The following FGF14 variants were observed in gnomAD, a reference collection of about 807,000 sequenced individuals.
The protein encoded by FGF14 is fibroblast growth factor homologous factor 4.
FGF14 carries 5 observed loss-of-function variants against 25.5 expected under a neutral mutation model. That is an observed-to-expected ratio of 0.20 (90% CI 0.10 to 0.41). FGF14 has a LOEUF of 0.41. Among genes scored for constraint, FGF14 ranks in the 10% least tolerant of loss-of-function variants. The probability of loss-of-function intolerance (pLI) is 1.00; values close to 1 mark genes in which losing one functional copy is unlikely to be tolerated. For synonymous variants in FGF14, 138 were observed against 118.3 expected, an observed-to-expected ratio of 1.17 and a Z score of -1.08; for missense variants, 222 against 320.1, an observed-to-expected ratio of 0.69 and a Z score of 2.34.
At chr13:101,759,415 G>A (rs189890040) in intron 3 of FGF14, among the ~76,000 whole-genome samples, 38 of 152,276 alleles carry the variant, frequency 2.5e-4, no homozygotes, top group Admixed American at 6.5e-4. Flanking sequence ...AGTTAGCGGA[G>A]GTGGGGCCAG....
At position 101,735,961 on chromosome 13, in the gene FGF14, T is replaced by G. The variant is rs2036157909; in HGVS notation, c.409-9151A>C. 3.9e-5 allele frequency among the ~76,000 whole-genome samples: 6 copies of G among 152,212 alleles called. No individual in the cohort carries two copies. The South Asian group carries it at 1.2e-3, about 32-fold the overall frequency. ...AGAGAAAGTGCTTCCATCAGTTTTT[T>G]AAACATTTCTGGATTATCTGAGTAA... On this transcript the variant is annotated intron_variant, in intron 3 of 4. Transcript: ENST00000376143.
intron 1 of FGF14, among the ~76,000 whole-genome samples, chr13:102,133,860 T>C (rs1332410956): frequency 6.6e-6 from 1 of 152,182 alleles, no homozygotes; most frequent in Non-Finnish European, 1.5e-5. Flanking sequence ...TCAGTGTGCA[T>C]GGGGAATGGA....
At chr13:101,774,868 CAT>C (rs1365025264) in intron 3 of FGF14, among the ~76,000 whole-genome samples, 1 of 149,912 alleles carries the variant, frequency 6.7e-6, no homozygotes, top group East Asian at 2.0e-4. Context: ...GACTGGCCAA[CAT>C]GGTGAAACCG....
At chr13:102,148,115 C>A (rs192061425) in intron 1 of FGF14, among the ~76,000 whole-genome samples, 1 of 151,992 alleles carries the variant, frequency 6.6e-6, no homozygotes, top group African/African-American at 2.4e-5. Context: ...GTCCCTGCAT[C>A]GAAAATGAAA....
At chr13:102,347,661 C>T (rs1415748187) in intron 1 of FGF14, among the ~76,000 whole-genome samples, 1 of 152,192 alleles carries the variant, frequency 6.6e-6, no homozygotes, top group Non-Finnish European at 1.5e-5. Context: ...ACACACCTAA[C>T]AGGAACATGT....
intron 1 of FGF14, among the ~76,000 whole-genome samples, chr13:102,172,446 G>C (rs534162272): frequency 6.6e-4 from 100 of 152,204 alleles, no homozygotes; most frequent in Non-Finnish European, 1.1e-3. Context: ...GGAGAATTTA[G>C]AGTAACTTAG....
chr13:102,303,182 T>C (rs1312756810), intron 1 of FGF14, among the ~76,000 whole-genome samples: 1 of 152,104 alleles, frequency 6.6e-6, no homozygotes, highest in African/African-American at 2.4e-5. Context: ...CTGTCTGTGT[T>C]CCCCAGACAC....
intron 3 of FGF14, among the ~76,000 whole-genome samples, chr13:101,772,824 T>C (rs1296822756): frequency 2.0e-5 from 3 of 152,116 alleles, no homozygotes; most frequent in Admixed American, 6.6e-5. Flanking sequence ...CTACCACTTA[T>C]AGAATCAAAG....
At chr13:102,225,244 G>C (rs146313707) in intron 1 of FGF14, among the ~76,000 whole-genome samples, 113 of 151,850 alleles carry the variant, frequency 7.4e-4, no homozygotes, top group Middle Eastern at 3.4e-3. Context: ...TTAGCCCATG[G>C]ACAAGGCCTT....
chr13:102,154,447 T>C (rs1331985941), intron 1 of FGF14, among the ~76,000 whole-genome samples: 3 of 151,988 alleles, frequency 2.0e-5, no homozygotes, highest in Admixed American at 6.6e-5. Context: ...AATAAAATAC[T>C]TTACAGACAA....
At chr13:102,178,827 A>G (rs1401974612) in intron 1 of FGF14, among the ~76,000 whole-genome samples, 1 of 152,130 alleles carries the variant, frequency 6.6e-6, no homozygotes, top group East Asian at 1.9e-4. Context: ...GTATATATAT[A>G]CCAAAAATTT....
intron 1 of FGF14, among the ~76,000 whole-genome samples, chr13:101,911,233 C>T (rs2032900340): frequency 6.6e-6 from 1 of 151,930 alleles, no homozygotes; most frequent in Non-Finnish European, 1.5e-5. Flanking sequence ...AAGTTTGGGG[C>T]TAAATGTAAA....
At chr13:101,941,804 TA>T (rs2035469594) in intron 1 of FGF14, among the ~76,000 whole-genome samples, 1 of 152,208 alleles carries the variant, frequency 6.6e-6, no homozygotes. Context: ...CTTCCACACC[TA>T]TGATGAATGT....
chr13:102,271,183 T>C (rs1389509868), intron 1 of FGF14, among the ~76,000 whole-genome samples: 1 of 152,240 alleles, frequency 6.6e-6, no homozygotes, highest in African/African-American at 2.4e-5. Context: ...ATACAGTTTT[T>C]GGTTAATTTG....
chr13:102,387,837 T>G (rs1319616495), intron 1 of FGF14, among the ~76,000 whole-genome samples: 1 of 152,112 alleles, frequency 6.6e-6, no homozygotes, highest in African/African-American at 2.4e-5. Context: ...GTTCAAGCGA[T>G]TCTCCTGCCT....
chr13:101,955,986 T>C (rs1288169024), intron 1 of FGF14, among the ~76,000 whole-genome samples: 1 of 152,150 alleles, frequency 6.6e-6, no homozygotes, highest in Non-Finnish European at 1.5e-5. Flanking sequence ...CTTTCACTTT[T>C]CATTTAAGTA....
At chr13:102,013,989 T>C (rs1297001561) in intron 1 of FGF14, among the ~76,000 whole-genome samples, 1 of 152,122 alleles carries the variant, frequency 6.6e-6, no homozygotes, top group South Asian at 2.1e-4. Flanking sequence ...TCAGGTACTT[T>C]TAATGTACTA....
At chr13:101,951,588 G>C (rs920643442) in intron 1 of FGF14, among the ~76,000 whole-genome samples, 8 of 152,054 alleles carry the variant, frequency 5.3e-5, no homozygotes, top group Non-Finnish European at 1.0e-4. Flanking sequence ...TTCTTTAAAA[G>C]GGATGAATTT....
At chr13:102,063,297 C>G (rs1427916104) in intron 1 of FGF14, among the ~76,000 whole-genome samples, 1 of 151,998 alleles carries the variant, frequency 6.6e-6, no homozygotes, top group African/African-American at 2.4e-5. Context: ...TCTAAACATA[C>G]TAATATAAAT....
Sources: allele counts gnomAD v4.1 joint callset (sites outside exome capture counted in the v4.1 genomes callset), GRCh38; gene constraint gnomAD v4.1.1; transcripts MANE v1.5; gene names NCBI Gene and HGNC (gene_info 2026-07-23, HGNC 2026-07-21).